Variants in VWC2L observed in about 807,000 individuals in gnomAD.
VWC2L encodes the protein von Willebrand factor C domain-containing protein 2-like.
Under a neutral mutation model 21.6 loss-of-function variants are expected in VWC2L, and 10 were observed. The observed-to-expected ratio is 0.46, with a 90% CI of 0.29 to 0.78. The LOEUF (loss-of-function observed/expected upper bound fraction) is 0.78, where lower values mean the gene tolerates loss of function less well. VWC2L is among the 30% of genes least tolerant of loss of function. VWC2L has a pLI of 0.10. For synonymous variants in VWC2L, 96 were observed against 94.3 expected, an observed-to-expected ratio of 1.02 and a Z score of -0.10; for missense variants, 209 against 277.1, an observed-to-expected ratio of 0.75 and a Z score of 1.74.
intron 3 of VWC2L, among the ~76,000 whole-genome samples, chr2:214,519,045 G>A (rs772202686): frequency 1.3e-5 from 2 of 152,150 alleles, no homozygotes; most frequent in Non-Finnish European, 2.9e-5. Flanking sequence ...CAAAAAGGAG[G>A]TTTTCAGGTT....
chr2:214,474,019 A>G (rs937340097), intron 3 of VWC2L, among the ~76,000 whole-genome samples: 19 of 152,146 alleles, frequency 1.2e-4, no homozygotes, highest in Non-Finnish European at 8.8e-5. Flanking sequence ...GACACTTCTT[A>G]AAGATGTCAT....
At chr2:214,564,445 A>T (rs1690030468) in intron 3 of VWC2L, among the ~76,000 whole-genome samples, 1 of 150,268 alleles carries the variant, frequency 6.7e-6, no homozygotes, top group Admixed American at 6.7e-5. Context: ...TAACCAAAAC[A>T]GCATGGTACT....
At chr2:214,444,062 A>G (rs1702801612) in intron 3 of VWC2L, among the ~76,000 whole-genome samples, 1 of 152,122 alleles carries the variant, frequency 6.6e-6, no homozygotes, top group African/African-American at 2.4e-5. Flanking sequence ...ATATGTATTA[A>G]AAGAAAAATT....
intron 3 of VWC2L, among the ~76,000 whole-genome samples, chr2:214,487,791 T>C (rs777989153): frequency 6.6e-6 from 1 of 152,152 alleles, no homozygotes; most frequent in African/African-American, 2.4e-5. Flanking sequence ...TCACAGTACC[T>C]TGTAGGTCAT....
intron 3 of VWC2L, among the ~76,000 whole-genome samples, chr2:214,440,531 T>C (rs1279447939): frequency 6.6e-6 from 1 of 152,126 alleles, no homozygotes; most frequent in African/African-American, 2.4e-5. Flanking sequence ...GCACAGCATC[T>C]GTTTAAAGAA....
At chr2:214,539,338 T>C (rs2105920145) in intron 3 of VWC2L, among the ~76,000 whole-genome samples, 1 of 152,304 alleles carries the variant, frequency 6.6e-6, no homozygotes, top group African/African-American at 2.4e-5. Context: ...CTTTTCACGA[T>C]TTCATTCCTT....
intron 3 of VWC2L, among the ~76,000 whole-genome samples, chr2:214,558,333 C>T (rs981036037): frequency 1.2e-4 from 19 of 152,276 alleles, no homozygotes; most frequent in African/African-American, 4.6e-4. Flanking sequence ...ATTCATTTTC[C>T]AGGGGTTCCA....
chr2:214,568,395 A>G (rs1254690774), intron 3 of VWC2L, among the ~76,000 whole-genome samples: 1 of 152,148 alleles, frequency 6.6e-6, no homozygotes, highest in Non-Finnish European at 1.5e-5. Context: ...TCTTGTTTGG[A>G]ATGAGTATTT....
chr2:214,539,460 T>A (rs1333416372), intron 3 of VWC2L, among the ~76,000 whole-genome samples: 1 of 152,174 alleles, frequency 6.6e-6, no homozygotes, highest in African/African-American at 2.4e-5. Flanking sequence ...CTTGTATTAA[T>A]TTGGAAAAAA....
intron 3 of VWC2L, among the ~76,000 whole-genome samples, chr2:214,482,503 A>G (rs1054634443): frequency 2.6e-5 from 4 of 150,988 alleles, no homozygotes; most frequent in African/African-American, 9.8e-5. Context: ...ATGTATATAT[A>G]TGTGTGTATG....
In VWC2L at chr2:214,411,621, G is replaced by A. The variant is rs1167510587; in HGVS notation, c.-246G>A. 1 of 152,156 alleles carries A rather than the reference G, an allele frequency of 6.6e-6. No homozygotes were observed. The allele number at this position is 152,156 out of a possible 1,614,324, so 9.4% of individuals were successfully genotyped here. ...AAGGGCGGGAGACTGCTTCTTTACTGTGTTTTGAAATGGGAGGTAGAGAGA... is the reference window on the plus strand; with the variant it reads ...AAGGGCGGGAGACTGCTTCTTTACTATGTTTTGAAATGGGAGGTAGAGAGA... On this transcript the variant is annotated 5_prime_UTR_variant, in exon 1 of 4. In the 5' UTR this introduces an upstream ATG that the reference lacks. Coordinates refer to ENST00000312504, the MANE Select transcript of VWC2L (RefSeq NM_001080500.4).
chr2:214,480,777 C>G (rs184524040), intron 3 of VWC2L, among the ~76,000 whole-genome samples: 1 of 150,040 alleles, frequency 6.7e-6, no homozygotes, highest in East Asian at 2.0e-4. Context: ...GTCTACATCC[C>G]CCTGGACAGA....
chr2:214,557,194 C>CA (rs1376876629), intron 3 of VWC2L, among the ~76,000 whole-genome samples: 2 of 152,250 alleles, frequency 1.3e-5, no homozygotes, highest in East Asian at 1.9e-4. Flanking sequence ...TTGATGGACT[C>CA]ACAGTTCCAC....
At chr2:214,487,599 C>T (rs780302309) in intron 3 of VWC2L, among the ~76,000 whole-genome samples, 5 of 152,112 alleles carry the variant, frequency 3.3e-5, no homozygotes, top group Admixed American at 6.5e-5. Context: ...TGCACCTGAG[C>T]TATGTTTTTA....
chr2:214,454,212 T>C (rs1703019787), intron 3 of VWC2L, among the ~76,000 whole-genome samples: 1 of 152,164 alleles, frequency 6.6e-6, no homozygotes, highest in African/African-American at 2.4e-5. Context: ...TAGACAATCA[T>C]GTTGTCTGTG....
At chr2:214,456,576 T>C (rs1036054751) in intron 3 of VWC2L, among the ~76,000 whole-genome samples, 4 of 152,104 alleles carry the variant, frequency 2.6e-5, no homozygotes, top group Non-Finnish European at 4.4e-5. Flanking sequence ...TAGTTTAATA[T>C]AGTAATATAG....
intron 3 of VWC2L, among the ~76,000 whole-genome samples, chr2:214,503,332 C>G (rs570404242): frequency 1.3e-5 from 2 of 151,518 alleles, no homozygotes; most frequent in East Asian, 3.9e-4. Flanking sequence ...TTCAGAGGCC[C>G]ATGAAAATAC....
chr2:214,440,225 G>A (rs1702744220), intron 3 of VWC2L, among the ~76,000 whole-genome samples: 1 of 151,974 alleles, frequency 6.6e-6, no homozygotes, highest in South Asian at 2.1e-4. Context: ...GTCTATGTAA[G>A]ACACATAATA....
chr2:214,555,530 T>C (rs1474537352), intron 3 of VWC2L, among the ~76,000 whole-genome samples: 1 of 152,220 alleles, frequency 6.6e-6, no homozygotes, highest in Non-Finnish European at 1.5e-5. Context: ...TATGAAACCA[T>C]TAATACATGT....
Sources: allele counts gnomAD v4.1 joint callset (sites outside exome capture counted in the v4.1 genomes callset), GRCh38; gene constraint gnomAD v4.1.1; transcripts MANE v1.5; gene names NCBI Gene and HGNC (gene_info 2026-07-23, HGNC 2026-07-21).